MAMLD1: variants seen among roughly 807,000 people sequenced by gnomAD.
MAMLD1 encodes the protein mastermind-like domain-containing protein 1.
MAMLD1 carries 14 observed loss-of-function variants against 45.0 expected under a neutral mutation model. The observed-to-expected ratio is 0.31, with a 90% CI of 0.21 to 0.49. The LOEUF (loss-of-function observed/expected upper bound fraction) is 0.49. MAMLD1 is among the 20% of genes least tolerant of loss of function. The pLI is 0.99. For missense variants in MAMLD1, 543 were observed against 603.6 expected, an observed-to-expected ratio of 0.90 and a Z score of 1.05; for synonymous variants, 254 against 247.8, an observed-to-expected ratio of 1.02 and a Z score of -0.24.
chrX:150,468,596 T>A (rs782116248), intron 3 of MAMLD1, among the ~76,000 whole-genome samples: 1 of 111,198 alleles, frequency 9.0e-6, no homozygotes, highest in East Asian at 2.8e-4. Flanking sequence ...TCATGGTCAT[T>A]AACACAACAG....
At chrX:150,364,977 C>T (rs1231278353) in intron 1 of MAMLD1, among the ~76,000 whole-genome samples, 1 of 111,921 alleles carries the variant, frequency 8.9e-6, no homozygotes, top group East Asian at 2.9e-4. Context: ...TGCCCACCGG[C>T]CGGGCGGGGT....
intron 6 of MAMLD1, among the ~76,000 whole-genome samples, chrX:150,508,348 AC>A (rs1257225793): frequency 1.0e-5 from 1 of 95,871 alleles, no homozygotes; most frequent in African/African-American, 3.8e-5. Flanking sequence ...GGCAGATCCC[AC>A]CCCCCATCCC....
At chrX:150,403,925 G>C (rs2033892210) in intron 1 of MAMLD1, among the ~76,000 whole-genome samples, 1 of 58,638 alleles carries the variant, frequency 1.7e-5, no homozygotes, top group East Asian at 4.2e-4. Flanking sequence ...AAGAAAGAAA[G>C]ACAGAGAAAG....
rs199991297 is a variant in MAMLD1, at chrX:150,470,485, C to A, written c.912C>A (p.Ala304=). 1.8e-4 allele frequency: 223 copies of A among 1,210,304 alleles called. No individual in the cohort carries two copies. The highest frequency in any genetic ancestry group is 1.2e-3 in the Admixed American group (53 of 45,871). Residue 304 remains alanine, a synonymous_variant, in exon 4 of 8, where the codon GCC becomes GCA. Transcript: ENST00000370401. ...PPLPVPQWHH[A]HQLKALAASK... ...TACCAGTGCCTCAGTGGCATCACGC[C>A]CACCAGCTGAAGGCGTTGGCAGCCA...
intron 3 of MAMLD1, among the ~76,000 whole-genome samples, chrX:150,465,272 TTC>T (rs1557405831): frequency 8.9e-6 from 1 of 112,450 alleles, no homozygotes; most frequent in Non-Finnish European, 1.9e-5. Context: ...AATCTCTACC[TTC>T]TCTAAGAAAT....
At chrX:150,402,143 A>C (rs1236103816) in intron 1 of MAMLD1, among the ~76,000 whole-genome samples, 4 of 111,175 alleles carry the variant, frequency 3.6e-5, no homozygotes, top group Non-Finnish European at 5.7e-5. Flanking sequence ...CAACCTACAA[A>C]ATGGGAGAAA....
rs1463612909 is a variant in MAMLD1, at chrX:150,490,988, G to A, written c.2041-12286G>A. On this transcript the variant is annotated intron_variant, in intron 5 of 7. Coordinates refer to ENST00000370401, the MANE Select transcript of MAMLD1 (RefSeq NM_005491.5). ...GAAAGGGACTTTCTCAAGTTCACACGGCTAATGGCAAAGCTGAGATTAAAA... is the reference window on the plus strand; with the variant it reads ...GAAAGGGACTTTCTCAAGTTCACACAGCTAATGGCAAAGCTGAGATTAAAA... Among the ~76,000 whole-genome samples the A allele has an allele frequency of 3.6e-5, 4 of 111,926 alleles. No homozygotes were observed. The South Asian group carries it at 1.1e-3, about 31-fold the overall frequency.
chrX:150,377,170 A>G (rs1229351837), intron 1 of MAMLD1, among the ~76,000 whole-genome samples: 1 of 113,168 alleles, frequency 8.8e-6, no homozygotes, highest in Non-Finnish European at 1.9e-5. Context: ...CTGAAGCCAG[A>G]CTGTATGGAG....
intron 1 of MAMLD1, among the ~76,000 whole-genome samples, chrX:150,369,601 C>T (rs1265326188): frequency 1.8e-5 from 2 of 112,308 alleles, no homozygotes; most frequent in African/African-American, 6.5e-5. Context: ...TTCTCTTGTC[C>T]AGTACTCCTA....
At chrX:150,456,701 A>AT (rs1317009942) in intron 2 of MAMLD1, among the ~76,000 whole-genome samples, 1 of 112,382 alleles carries the variant, frequency 8.9e-6, no homozygotes, top group Non-Finnish European at 1.9e-5. Flanking sequence ...CTGCTGAGTC[A>AT]TTGTGCAGAC....
intron 1 of MAMLD1, among the ~76,000 whole-genome samples, chrX:150,371,076 CCCGA>C (rs1283145786): frequency 6.3e-5 from 7 of 110,811 alleles, no homozygotes; most frequent in Admixed American, 9.6e-5. Flanking sequence ...GAGGAGGACC[CCCGA>C]CCCACCCACC....
At chrX:150,399,466 GT>G (rs1336814711) in intron 1 of MAMLD1, among the ~76,000 whole-genome samples, 1 of 111,975 alleles carries the variant, frequency 8.9e-6, no homozygotes, top group Non-Finnish European at 1.9e-5. Context: ...GTGAATGTGA[GT>G]TTACTGGGAA....
chrX:150,443,871 G>C (rs1557404674), intron 1 of MAMLD1, among the ~76,000 whole-genome samples: 1 of 111,504 alleles, frequency 9.0e-6, no homozygotes, highest in African/African-American at 3.3e-5. Flanking sequence ...TCTGACATCT[G>C]TGTCATCTTG....
intron 1 of MAMLD1, among the ~76,000 whole-genome samples, chrX:150,371,617 G>C (rs2031992790): frequency 1.8e-5 from 2 of 112,018 alleles, no homozygotes; most frequent in Admixed American, 1.9e-4. Flanking sequence ...AACACATTGA[G>C]GAATTCCAAG....
chrX:150,462,736 T>C (rs782535252), intron 2 of MAMLD1, 36 bp from the exon 3 acceptor site: 3 of 1,005,519 alleles, frequency 3.0e-6, no homozygotes, highest in Non-Finnish European at 4.2e-6. Flanking sequence ...TAAGAGTGTG[T>C]GCAAGTGGCT....
chrX:150,478,406 G>T (rs1480920584), intron 5 of MAMLD1, among the ~76,000 whole-genome samples: 2 of 112,080 alleles, frequency 1.8e-5, no homozygotes, highest in Admixed American at 1.9e-4. Context: ...TTTCAAGGAA[G>T]GGCCTGTCAC....
intron 1 of MAMLD1, among the ~76,000 whole-genome samples, chrX:150,373,474 A>T (rs1285432974): frequency 1.9e-4 from 21 of 110,631 alleles, no homozygotes; most frequent in South Asian, 7.7e-4. Context: ...TCTCACACAC[A>T]CACACACACA....
At position 150,470,244 on chromosome X, in the gene MAMLD1, C is replaced by T; in HGVS notation, c.671C>T (p.Ser224Leu). The T allele has an allele frequency of 8.3e-7, 1 of 1,211,777 alleles. No individual in the cohort carries two copies. Among genetic ancestry groups the T allele is most frequent in the Non-Finnish European group, 1.1e-6 (1 of 895,477 alleles). Residue 224 changes from serine to leucine, a missense_variant, in exon 4 of 8, where the codon TCG (serine) becomes TTG (leucine). Transcript: ENST00000370401. ...ACCCTAAGCACAACTCCCAAGCCTT[C>T]GGTTCAGATGTCACACTTGGAGAGC... ...QATLSTTPKP[S>L]VQMSHLESLA...
chrX:150,439,969 T>G (rs2035243344), intron 1 of MAMLD1, among the ~76,000 whole-genome samples: 1 of 111,399 alleles, frequency 9.0e-6, no homozygotes, highest in Non-Finnish European at 1.9e-5. Context: ...TGGATTTATT[T>G]CTGAATTCTC....
Sources: allele counts gnomAD v4.1 joint callset (sites outside exome capture counted in the v4.1 genomes callset), GRCh38; gene constraint gnomAD v4.1.1; transcripts MANE v1.5; gene names NCBI Gene and HGNC (gene_info 2026-07-23, HGNC 2026-07-21).